ANKS1B: variants seen among roughly 807,000 people sequenced by gnomAD.
ANKS1B encodes the protein ankyrin repeat and sterile alpha motif domain containing 1B.
Under a neutral mutation model 148.3 loss-of-function variants are expected in ANKS1B, and 36 were observed. That is an observed-to-expected ratio of 0.24 (90% CI 0.19 to 0.32). The LOEUF (loss-of-function observed/expected upper bound fraction) is 0.32. ANKS1B is among the 10% of genes least tolerant of loss of function. The pLI is 1.00. For synonymous variants in ANKS1B, 542 were observed against 560.8 expected, an observed-to-expected ratio of 0.97 and a Z score of 0.47; for missense variants, 1,157 against 1,542.6, an observed-to-expected ratio of 0.75 and a Z score of 4.19.
At chr12:99,538,712 A>C (rs2097096629) in intron 9 of ANKS1B, among the ~76,000 whole-genome samples, 1 of 152,098 alleles carries the variant, frequency 6.6e-6, no homozygotes, top group South Asian at 2.1e-4. Context: ...ACACCTTTCC[A>C]ATATGGAGGC....
chr12:99,836,391 A>T (rs932666282), intron 1 of ANKS1B, among the ~76,000 whole-genome samples: 5 of 152,110 alleles, frequency 3.3e-5, no homozygotes, highest in Admixed American at 2.6e-4. Flanking sequence ...CAATTTTACA[A>T]AAAGCACATC....
chr12:98,760,216 T>C (rs2098372901), intron 25 of ANKS1B, among the ~76,000 whole-genome samples: 1 of 152,212 alleles, frequency 6.6e-6, no homozygotes, highest in Non-Finnish European at 1.5e-5. Flanking sequence ...ATCTTTCCAT[T>C]TTGATAATTA....
intron 14 of ANKS1B, among the ~76,000 whole-genome samples, chr12:99,157,024 C>A (rs1046831647): frequency 6.6e-6 from 1 of 152,142 alleles, no homozygotes; most frequent in Non-Finnish European, 1.5e-5. Context: ...TTTAGCTCAT[C>A]ATCCTCATCC....
At chr12:99,273,894 A>AT (rs887887506) in intron 12 of ANKS1B, among the ~76,000 whole-genome samples, 175 of 151,810 alleles carry the variant, frequency 1.2e-3, no homozygotes, top group African/African-American at 4.0e-3. Flanking sequence ...CTTTTTTGTG[A>AT]TTTTTTTAAA....
chr12:99,232,874 T>C (rs1331045323), intron 14 of ANKS1B, among the ~76,000 whole-genome samples: 1 of 151,972 alleles, frequency 6.6e-6, no homozygotes, highest in Non-Finnish European at 1.5e-5. Context: ...GGCAAGAAAA[T>C]TATATTTATG....
intron 20 of ANKS1B, among the ~76,000 whole-genome samples, chr12:98,805,515 G>C (rs1489896192): frequency 6.6e-6 from 1 of 152,080 alleles, no homozygotes; most frequent in African/African-American, 2.4e-5. Flanking sequence ...GAGTCTGAAG[G>C]ACTATAATTG....
intron 1 of ANKS1B, among the ~76,000 whole-genome samples, chr12:99,898,244 T>G (rs2153759023): frequency 6.6e-6 from 1 of 152,264 alleles, no homozygotes; most frequent in East Asian, 1.9e-4. Context: ...ATACATGATC[T>G]CACCACAAAG....
intron 17 of ANKS1B, among the ~76,000 whole-genome samples, chr12:98,955,196 G>A (rs2099860246): frequency 6.6e-6 from 1 of 152,148 alleles, no homozygotes; most frequent in Admixed American, 6.5e-5. Flanking sequence ...TTAGAGAAGA[G>A]GGCTTGGAAT....
chr12:99,888,914 T>C (rs2092957673), intron 1 of ANKS1B, among the ~76,000 whole-genome samples: 1 of 151,296 alleles, frequency 6.6e-6, no homozygotes, highest in Non-Finnish European at 1.5e-5. Flanking sequence ...GAGTACAAAA[T>C]CTGATCTCTT....
At chr12:99,844,386 G>C (rs936425682) in intron 1 of ANKS1B, among the ~76,000 whole-genome samples, 1 of 152,110 alleles carries the variant, frequency 6.6e-6, no homozygotes, top group African/African-American at 2.4e-5. Context: ...CTACATTTAA[G>C]TCTTTAATAT....
Position 99,700,592 on chromosome 12 carries a change from A to AT in ANKS1B, c.1129-45383dup, listed in dbSNP as rs563704990. On this transcript the variant is annotated intron_variant, in intron 8 of 26. Transcript: ENST00000683438. ...GATCTTAGCAACCTCAGCACATAAT[A>AT]TTTTTTTTCTTTATTGAGAACTTTC... Among the ~76,000 whole-genome samples, 271 of 151,948 alleles carry AT rather than the reference A, an allele frequency of 1.8e-3. 2 individuals carry two copies. Among genetic ancestry groups the AT allele is most frequent in the Admixed American group, 6.6e-3 (101 of 15,224 alleles).
intron 14 of ANKS1B, among the ~76,000 whole-genome samples, chr12:99,178,561 T>C (rs1229276778): frequency 6.6e-6 from 1 of 152,240 alleles, no homozygotes; most frequent in Non-Finnish European, 1.5e-5. Flanking sequence ...TAAATTAAAA[T>C]AATTTCAGGC....
At chr12:99,356,620 A>C (rs1197444783) in intron 12 of ANKS1B, among the ~76,000 whole-genome samples, 2 of 152,160 alleles carry the variant, frequency 1.3e-5, no homozygotes, top group Non-Finnish European at 2.9e-5. Flanking sequence ...GAGATACAAT[A>C]ACTTGATAAC....
intron 1 of ANKS1B, among the ~76,000 whole-genome samples, chr12:99,946,940 T>C (rs377742845): frequency 1.8e-4 from 28 of 152,266 alleles, no homozygotes; most frequent in African/African-American, 6.7e-4. Flanking sequence ...CAAATGATTA[T>C]GTTTTTAAGA....
intron 17 of ANKS1B, among the ~76,000 whole-genome samples, chr12:98,969,879 A>C (rs2099881724): frequency 6.6e-6 from 1 of 152,240 alleles, no homozygotes; most frequent in Non-Finnish European, 1.5e-5. Context: ...CTACATAGCC[A>C]GCTTTTCTGG....
chr12:99,096,593 G>A (rs575864565), intron 15 of ANKS1B, among the ~76,000 whole-genome samples: 2 of 152,036 alleles, frequency 1.3e-5, no homozygotes, highest in Non-Finnish European at 2.9e-5. Context: ...GACTGGCTAG[G>A]GCCACTAATT....
intron 1 of ANKS1B, among the ~76,000 whole-genome samples, chr12:99,955,479 C>A (rs1309033304): frequency 9.4e-6 from 1 of 106,780 alleles, no homozygotes; most frequent in Non-Finnish European, 1.7e-5. Flanking sequence ...GGCGACAGAG[C>A]GAAACTCCGT....
At chr12:99,836,590 T>C (rs2084895552) in intron 1 of ANKS1B, among the ~76,000 whole-genome samples, 1 of 152,098 alleles carries the variant, frequency 6.6e-6, no homozygotes, top group African/African-American at 2.4e-5. Context: ...CTTCAATATA[T>C]ACAGTATGTG....
intron 10 of ANKS1B, among the ~76,000 whole-genome samples, chr12:99,469,132 C>T (rs1849765395): frequency 6.6e-6 from 1 of 151,958 alleles, no homozygotes; most frequent in Non-Finnish European, 1.5e-5. Context: ...GAGTTCATGT[C>T]CTTTGTAGGG....
Sources: gnomAD v4.1 joint callset for allele counts (sites outside exome capture counted in the v4.1 genomes callset) on GRCh38, gnomAD v4.1.1 for gene constraint, MANE v1.5 for transcripts, NCBI Gene and HGNC (gene_info 2026-07-23, HGNC 2026-07-21) for gene names.